B3GNT4: variants seen among roughly 807,000 people sequenced by gnomAD.
B3GNT4 encodes the protein N-acetyllactosaminide beta-1,3-N-acetylglucosaminyltransferase 4.
A neutral mutation model predicts 2.7 loss-of-function variants in B3GNT4; 2 were observed. The observed-to-expected ratio is 0.73, with a 90% CI of 0.30 to 2.31. The LOEUF is 2.31. Among genes scored for constraint, B3GNT4 ranks in the 30% most tolerant of loss-of-function variants. B3GNT4 has a pLI of 0.12. For synonymous variants in B3GNT4, 280 were observed against 203.4 expected (o/e 1.38, Z -3.20); for missense variants, 708 against 490.9 (o/e 1.44, Z -4.18).
In B3GNT4 at chr12:122,208,149, G is replaced by A; in HGVS notation, c.*761G>A. On this transcript the variant is annotated 3_prime_UTR_variant, in exon 3 of 3. Transcript: ENST00000324189. The stretch of plus-strand genomic sequence containing the variant: ...AAATGGGTAAGAGCAGCTGTACAGA[G>A]TGGGGTGAAATGTTAAACAGGGTGC... 2.9e-6 allele frequency: 2 copies of A among 693,318 alleles called. No individual in the cohort carries two copies. Among genetic ancestry groups the A allele is most frequent in the Non-Finnish European group, 5.2e-6 (2 of 382,156 alleles). 42.9% of individuals were successfully genotyped at this position (693,318 alleles called of 1,614,324 possible).
In B3GNT4 at chr12:122,208,375, A is replaced by G; in HGVS notation, c.*987A>G. 6.2e-7 allele frequency: 1 copy of G among 1,611,620 alleles called. No individual in the cohort carries two copies. The highest frequency in any genetic ancestry group is 8.5e-7 in the Non-Finnish European group (1 of 1,179,946). ...AGTGGGGAGACAGGGCAGTGTGCTC[A>G]GGCCCTCAATCCTCACGCAGGTAGG... On this transcript the variant is annotated 3_prime_UTR_variant, in exon 3 of 3. Transcript: ENST00000324189.
Position 122,208,498 on chromosome 12 carries a change from G to A in B3GNT4, c.*1110G>A, listed in dbSNP as rs749218903. On this transcript the variant is annotated 3_prime_UTR_variant, in exon 3 of 3. Coordinates refer to ENST00000324189, the MANE Select transcript of B3GNT4 (RefSeq NM_030765.4). ...CTGCCAGCTTGGTTTCTGCTTTCCGGGAGAGCTGGTGCACCTCTTCCACCT... is the reference window on the plus strand; with the variant it reads ...CTGCCAGCTTGGTTTCTGCTTTCCGAGAGAGCTGGTGCACCTCTTCCACCT... 14 of 1,613,964 alleles carry A rather than the reference G, an allele frequency of 8.7e-6. No individual in the cohort carries two copies. Among genetic ancestry groups the A allele is most frequent in the Non-Finnish European group, 1.2e-5 (14 of 1,180,040 alleles).
rs1216152065 is a variant in B3GNT4, at chr12:122,206,679, G to A, written c.428G>A (p.Arg143Lys). Residue 143 changes from arginine (R) to lysine (K), a missense_variant, in exon 3 of 3, where the codon AGG (arginine) becomes AAG (lysine). Physicochemically the swap from Arg to Lys is conservative, Grantham distance 26. Transcript: ENST00000324189. ...GCGGCTATCCGCAGCACGTGGGGCAGGGTGGGGGGATGGGCTAGGGGCCGG... is the reference window on the plus strand; with the variant it reads ...GCGGCTATCCGCAGCACGTGGGGCAAGGTGGGGGGATGGGCTAGGGGCCGG... ...RRAAIRSTWG[R>K]VGGWARGRQL... 1.9e-6 allele frequency: 3 copies of A among 1,613,060 alleles called. No individual in the cohort carries two copies. The highest frequency in any genetic ancestry group is 1.3e-5 in the African/African-American group (1 of 75,058).
chr12:122,204,360 C>T (rs936654403), intron 1 of B3GNT4, among the ~76,000 whole-genome samples, 162 bp from the exon 2 acceptor site: 2 of 151,614 alleles, frequency 1.3e-5, no homozygotes, highest in African/African-American at 2.4e-5. Flanking sequence ...GGCGGCGGGG[C>T]GAGGCCGTGC....
chr12:122,208,312 C>A lies in B3GNT4; in HGVS notation c.*924C>A. On this transcript the variant is annotated 3_prime_UTR_variant, in exon 3 of 3. Coordinates refer to ENST00000324189, the MANE Select transcript of B3GNT4 (RefSeq NM_030765.4). Reference sequence around the variant, plus strand: ...TCGGTGCACAGACAGTCATGCCAACCCTGGGCAGGGTGGCATCTGCCCCTG... The same window carrying A: ...TCGGTGCACAGACAGTCATGCCAACACTGGGCAGGGTGGCATCTGCCCCTG... The A allele has an allele frequency of 6.3e-7, 1 of 1,578,968 alleles. No homozygotes were observed. Among genetic ancestry groups the A allele is most frequent in the Non-Finnish European group, 8.6e-7 (1 of 1,157,294 alleles).
intron 1 of B3GNT4, 61 bp from the exon 2 acceptor site, chr12:122,204,461 A>ACGC: frequency 1.4e-6 from 1 of 697,414 alleles, no homozygotes; most frequent in South Asian, 1.5e-5. Context: ...GAACCAAGCC[A>ACGC]CCTGCTGTGC....
At chr12:122,204,452 A>G (rs1953888104) in intron 1 of B3GNT4, 70 bp from the exon 2 acceptor site, 2 of 681,470 alleles carry the variant, frequency 2.9e-6, no homozygotes, top group Non-Finnish European at 5.3e-6. Context: ...CCTGGGACGG[A>G]ACCAAGCCAC....
rs778026918 is a variant in B3GNT4 at position 122,208,252 on chromosome 12, G to A, written c.*864G>A. 26 of 1,103,542 alleles carry A rather than the reference G, an allele frequency of 2.4e-5. No homozygotes were observed. Among genetic ancestry groups the A allele is most frequent in the African/African-American group, 7.8e-5 (5 of 64,286 alleles). The allele number at this position is 1,103,542 out of a possible 1,614,324, so 68.4% of individuals were successfully genotyped here. ...CACTCACAGCTCACAAAGGCGTCTC[G>A]CCTGATTGGCCAGGGCAGGATCTGC... On this transcript the variant is annotated 3_prime_UTR_variant, in exon 3 of 3. Transcript: ENST00000324189.
In B3GNT4 at chr12:122,206,570, A is replaced by C. The variant is rs1341274527; in HGVS notation, c.319A>C (p.Ile107Leu). Reference sequence around the variant, plus strand: ...CTATCGTCACTGCCGAAATTTCTCTATCTTGCTGGAGCCTTCAGGCTGTTC... The same window carrying C: ...CTATCGTCACTGCCGAAATTTCTCTCTCTTGCTGGAGCCTTCAGGCTGTTC... ...LTYRHCRNFS[I>L]LLEPSGCSKD... Residue 107 changes from isoleucine (I) to leucine (L), a missense_variant, in exon 3 of 3, where the codon ATC (isoleucine) becomes CTC (leucine). Ile to Leu is a conservative substitution (Grantham distance 5). Transcript: ENST00000324189. The C allele has an allele frequency of 1.9e-6, 3 of 1,613,962 alleles. No individual in the cohort carries two copies. Among genetic ancestry groups the C allele is most frequent in the Non-Finnish European group, 2.5e-6 (3 of 1,180,030 alleles).
chr12:122,204,444 T>A (rs1953887947), intron 1 of B3GNT4, 78 bp from the exon 2 acceptor site: 2 of 657,960 alleles, frequency 3.0e-6, no homozygotes, highest in Non-Finnish European at 5.5e-6. Context: ...TGAAACCTCC[T>A]GGGACGGAAC....
rs1312451267 is a variant in B3GNT4 at position 122,207,013 on chromosome 12, G to C, written c.762G>C (p.Arg254Ser). The stretch of plus-strand genomic sequence containing the variant: ...TCATCCGCCAAGCCCTGCCCAACAG[G>C]AACACTAAGGTCAAATACTTCATCC... ...GDVIRQALPN[R>S]NTKVKYFIPP... is the part of the protein sequence containing the mutation. The change falls in exon 3 of 3, where the codon AGG becomes AGC. Residue 254 changes from arginine to serine, a missense_variant. Coordinates refer to ENST00000324189, the MANE Select transcript of B3GNT4 (RefSeq NM_030765.4). The C allele has an allele frequency of 1.2e-6, 2 of 1,613,846 alleles. No individual in the cohort carries two copies. Among genetic ancestry groups the C allele is most frequent in the Non-Finnish European group, 1.7e-6 (2 of 1,179,976 alleles).
At chr12:122,204,054 C>T (rs982447894) in intron 1 of B3GNT4, among the ~76,000 whole-genome samples, 60 of 152,022 alleles carry the variant, frequency 3.9e-4, no homozygotes, top group Middle Eastern at 3.4e-3. Context: ...CGGTAGACCC[C>T]GCCAGCCTGG....
chr12:122,207,849 GTTTTTC>G lies in B3GNT4; in HGVS notation c.*462_*467del. Reference sequence around the variant, plus strand: ...GCACCCCTTCTCTTAGTAGTAATAGGTTTTTCACTCCTTGGCCTCAGCTGTCCTCAC... The same window carrying G: ...GCACCCCTTCTCTTAGTAGTAATAGGACTCCTTGGCCTCAGCTGTCCTCAC... On this transcript the variant is annotated 3_prime_UTR_variant, in exon 3 of 3. Transcript: ENST00000324189. 2.2e-6 allele frequency: 1 copy of G among 460,640 alleles called. No individual in the cohort carries two copies. Among genetic ancestry groups the G allele is most frequent in the Non-Finnish European group, 4.3e-6 (1 of 231,418 alleles). 28.5% of individuals were successfully genotyped at this position (460,640 alleles called of 1,614,324 possible).
In B3GNT4 at chr12:122,208,504, C is replaced by A; in HGVS notation, c.*1116C>A. 6.2e-7 allele frequency: 1 copy of A among 1,614,126 alleles called. No individual in the cohort carries two copies. The highest frequency in any genetic ancestry group is 8.5e-7 in the Non-Finnish European group (1 of 1,180,038). The stretch of plus-strand genomic sequence containing the variant: ...GCTTGGTTTCTGCTTTCCGGGAGAG[C>A]TGGTGCACCTCTTCCACCTGCAGTT... On this transcript the variant is annotated 3_prime_UTR_variant, in exon 3 of 3. Transcript: ENST00000324189.
At chr12:122,204,367 G>A (rs1052880253) in intron 1 of B3GNT4, among the ~76,000 whole-genome samples, 155 bp from the exon 2 acceptor site, 1 of 151,666 alleles carries the variant, frequency 6.6e-6, no homozygotes, top group African/African-American at 2.4e-5. Context: ...GGGCGAGGCC[G>A]TGCGGCCAGC....
intron 2 of B3GNT4, chr12:122,205,061 G>A: frequency 5.1e-6 from 1 of 196,802 alleles, no homozygotes; most frequent in Admixed American, 5.6e-5. Context: ...TCTTTCACTA[G>A]CCGGGCTGGC....
chr12:122,207,571 A>C lies in B3GNT4; in HGVS notation c.*183A>C. 1 of 674,800 alleles carries C rather than the reference A, an allele frequency of 1.5e-6. No homozygotes were observed. The highest frequency in any genetic ancestry group is 2.5e-6 in the Non-Finnish European group (1 of 403,476). The allele number at this position is 674,800 out of a possible 1,614,324, so 41.8% of individuals were successfully genotyped here. A position where few individuals can be genotyped will look rare whatever the true frequency, so the allele number is the denominator to read the frequency against. The stretch of plus-strand genomic sequence containing the variant: ...GTCCAGCATATGTTGAATGGGAGCC[A>C]AAGTGTAGCAAATGCTGCCAGGAAC... On this transcript the variant is annotated 3_prime_UTR_variant, in exon 3 of 3. Transcript: ENST00000324189.
In B3GNT4 at chr12:122,207,572, A is replaced by C. The variant is rs1953951711; in HGVS notation, c.*184A>C. ...TCCAGCATATGTTGAATGGGAGCCA[A>C]AGTGTAGCAAATGCTGCCAGGAACC... On this transcript the variant is annotated 3_prime_UTR_variant, in exon 3 of 3. Transcript: ENST00000324189. 1.5e-6 allele frequency: 1 copy of C among 674,522 alleles called. No individual in the cohort carries two copies. The highest frequency in any genetic ancestry group is 1.8e-5 in the African/African-American group (1 of 55,150). The allele number at this position is 674,522 out of a possible 1,614,324, so 41.8% of individuals were successfully genotyped here.
In B3GNT4 at chr12:122,208,331, G is replaced by A. The variant is rs1953981640; in HGVS notation, c.*943G>A. ...GCCAACCCTGGGCAGGGTGGCATCT[G>A]CCCCTGCTTTCCCCACTGAGTGGGG... On this transcript the variant is annotated 3_prime_UTR_variant, in exon 3 of 3. Transcript: ENST00000324189. The A allele has an allele frequency of 1.3e-6, 2 of 1,597,608 alleles. No homozygotes were observed. Among genetic ancestry groups the A allele is most frequent in the East Asian group, 2.2e-5 (1 of 44,842 alleles).
Sources: allele counts gnomAD v4.1 joint callset (sites outside exome capture counted in the v4.1 genomes callset), GRCh38; gene constraint gnomAD v4.1.1; transcripts MANE v1.5; gene names NCBI Gene and HGNC (gene_info 2026-07-23, HGNC 2026-07-21).